The following ZSWIM7 variants were observed in gnomAD, a reference collection of about 807,000 sequenced individuals.
ZSWIM7 encodes zinc finger SWIM domain-containing protein 7.
In ZSWIM7, 22 loss-of-function variants were observed where a neutral mutation model predicts 21.1. That is an observed-to-expected ratio of 1.04 (90% CI 0.74 to 1.49). ZSWIM7 has a LOEUF of 1.49. Ranked by LOEUF, ZSWIM7 falls within the 40% of genes most tolerant of loss-of-function variation. ZSWIM7 has a pLI of 0.00. For missense variants in ZSWIM7, 193 were observed against 168.0 expected (o/e 1.15, Z -0.82); for synonymous variants, 67 against 66.5 (o/e 1.01, Z -0.04).
intron 1 of ZSWIM7, among the ~76,000 whole-genome samples, chr17:15,996,383 C>G (rs377408372): frequency 6.6e-6 from 1 of 152,084 alleles, no homozygotes; most frequent in East Asian, 1.9e-4. Flanking sequence ...TGGGGGCTCA[C>G]AACTATAATC....
At chr17:15,993,348 T>TTTTATTTATTTATTTATTTA (rs149424883) in intron 2 of ZSWIM7, among the ~76,000 whole-genome samples, 22 of 142,440 alleles carry the variant, frequency 1.5e-4, no homozygotes, top group African/African-American at 6.1e-4. Context: ...TTATTTTTTA[T>TTTTATTTATTTATTTATTTA]TTTATTTATT....
At chr17:15,992,193 T>G (rs965022660) in intron 2 of ZSWIM7, among the ~76,000 whole-genome samples, 2 of 151,940 alleles carry the variant, frequency 1.3e-5, no homozygotes, top group African/African-American at 4.8e-5. Context: ...TCCCAAAGCG[T>G]TGGGATTACA....
chr17:15,991,498 A>G (rs1970481773), intron 2 of ZSWIM7, among the ~76,000 whole-genome samples: 1 of 152,124 alleles, frequency 6.6e-6, no homozygotes, highest in Admixed American at 6.5e-5. Flanking sequence ...ATTTGTGTCA[A>G]CTTCTTTTCT....
intron 3 of ZSWIM7, among the ~76,000 whole-genome samples, chr17:15,982,739 TC>T (rs1970369729): frequency 6.6e-6 from 1 of 152,188 alleles, no homozygotes; most frequent in Admixed American, 6.5e-5. Context: ...CAGTCTTGAA[TC>T]CCTCGGCTAA....
Position 15,998,434 on chromosome 17 carries a change from T to C in ZSWIM7, c.76+1085A>G, listed in dbSNP as rs73978585. On this transcript the variant is annotated intron_variant, in intron 1 of 4. Transcript: ENST00000399277. The stretch of plus-strand genomic sequence containing the variant: ...CAAGATAAACCCTTTCAAAATGCAG[T>C]ACAGTACTTTTAAAACAAAAGCCAT... Among the ~76,000 whole-genome samples, 1,228 of 152,306 alleles carry C rather than the reference T, an allele frequency of 8.1e-3. 16 individuals carry two copies. The highest frequency in any genetic ancestry group is 0.028 in the African/African-American group (1,178 of 41,552).
intron 1 of ZSWIM7, among the ~76,000 whole-genome samples, chr17:15,995,927 C>G (rs6502482): frequency 0.53 from 80,600 of 151,556 alleles, 21,820 homozygotes; most frequent in Middle Eastern, 0.63. Context: ...ATAATTCAAA[C>G]TTCCAGAGAA....
In ZSWIM7 at chr17:15,999,515, G is replaced by A. The variant is rs1323324615; in HGVS notation, c.76+4C>T. The stretch of plus-strand genomic sequence containing the variant: ...CGCAGCCACACACGACCTCGGTCCC[G>A]TACTTCGCGCGCTCTCCTGCACCGC... On this transcript the variant is annotated splice_donor_region_variant and intron_variant, in intron 1 of 4. Coordinates refer to ENST00000399277, the MANE Select transcript of ZSWIM7 (RefSeq NM_001042697.2). 6.3e-7 allele frequency: 1 copy of A among 1,599,152 alleles called. No individual in the cohort carries two copies. Among genetic ancestry groups the A allele is most frequent in the Non-Finnish European group, 8.5e-7 (1 of 1,177,950 alleles).
chr17:15,981,181 G>A (rs757298651), intron 3 of ZSWIM7, 37 bp from the exon 4 acceptor site: 13 of 1,532,754 alleles, frequency 8.5e-6, no homozygotes, highest in South Asian at 2.3e-5. Context: ...GACCTCAGAT[G>A]TGCTGGAAAA....
chr17:15,980,760 T>C (rs1243891558), intron 4 of ZSWIM7, among the ~76,000 whole-genome samples: 3 of 152,208 alleles, frequency 2.0e-5, no homozygotes, highest in African/African-American at 7.2e-5. Flanking sequence ...GGCCATCTAA[T>C]TCCCCAGTGC....
chr17:15,999,700 G>T lies in ZSWIM7; in HGVS notation c.-106C>A. On this transcript the variant is annotated 5_prime_UTR_variant, in exon 1 of 5. Transcript: ENST00000399277. Reference sequence around the variant, plus strand: ...ACCCCCCGCCGGGGCAGGGCGAGACGGAGTGACGTCGGGGCGCGTCATCGC... The same window carrying T: ...ACCCCCCGCCGGGGCAGGGCGAGACTGAGTGACGTCGGGGCGCGTCATCGC... The T allele has an allele frequency of 6.4e-7, 1 of 1,553,968 alleles. No individual in the cohort carries two copies. The highest frequency in any genetic ancestry group is 2.4e-5 in the East Asian group (1 of 41,682).
At chr17:15,994,380 G>A (rs1970523608) in intron 1 of ZSWIM7, among the ~76,000 whole-genome samples, 1 of 152,160 alleles carries the variant, frequency 6.6e-6, no homozygotes, top group African/African-American at 2.4e-5. Flanking sequence ...TGAATCCTAG[G>A]CCAGCAATGG....
intron 1 of ZSWIM7, 91 bp from the exon 2 acceptor site, chr17:15,993,869 T>A: frequency 1.1e-6 from 1 of 950,434 alleles, no homozygotes; most frequent in Non-Finnish European, 1.6e-6. Context: ...CTAAAAACAC[T>A]TCCGTGTGTG....
chr17:15,993,620 C>G, intron 2 of ZSWIM7, 137 bp downstream of exon 2: 1 of 620,864 alleles, frequency 1.6e-6, no homozygotes, highest in Non-Finnish European at 2.8e-6. Context: ...CTCACCTTGG[C>G]CTCCCAAAGT....
At chr17:15,999,495 C>G (rs1567574249) in intron 1 of ZSWIM7, 24 bp downstream of exon 1, 2 of 1,595,334 alleles carry the variant, frequency 1.3e-6, no homozygotes, top group Non-Finnish European at 1.7e-6. Flanking sequence ...CATGGCGCAG[C>G]CACACACGAC....
rs1229618390 is a variant in ZSWIM7 at position 15,987,440 on chromosome 17, CACTAG to C, written c.99-77_99-73del. 32 of 1,235,064 alleles carry C rather than the reference CACTAG, an allele frequency of 2.6e-5. No individual in the cohort carries two copies. In the African/African-American group the frequency reaches 2.9e-4, roughly 11 times the overall value. The allele number at this position is 1,235,064 out of a possible 1,614,324, so 76.5% of individuals were successfully genotyped here. ...CACCTCAGTAACTTGCCCAAAGGAT[CACTAG>C]ACTTAGTATTTTTTAAAAATTCATT... On this transcript the variant is annotated intron_variant, in intron 2 of 4. Transcript: ENST00000399277.
intron 2 of ZSWIM7, among the ~76,000 whole-genome samples, chr17:15,993,079 T>C (rs1458632423): frequency 3.3e-5 from 5 of 152,070 alleles, no homozygotes; most frequent in African/African-American, 1.2e-4. Flanking sequence ...GGTTTCACCA[T>C]GTTGGTCAGG....
intron 1 of ZSWIM7, among the ~76,000 whole-genome samples, chr17:15,995,595 AAAGAC>A (rs573320924): frequency 0.027 from 4,114 of 150,204 alleles, 198 homozygotes; most frequent in African/African-American, 0.097. Flanking sequence ...AAAAAAAAAA[AAAGAC>A]AGCAGAAATT....
Position 15,978,940 on chromosome 17 carries a change from ACT to A in ZSWIM7, c.307-779_307-778del, listed in dbSNP as rs1013344072. Reference sequence around the variant, plus strand: ...ACATGCTCATCAGAGTCTCTAGGCTACTCTCTCTTTTTTTTTTTTTTAATTTT... The same window carrying A: ...ACATGCTCATCAGAGTCTCTAGGCTACTCTCTTTTTTTTTTTTTTAATTTT... On this transcript the variant is annotated intron_variant, in intron 4 of 4. Transcript: ENST00000399277. Among the ~76,000 whole-genome samples, 26 of 137,358 alleles carry A rather than the reference ACT, an allele frequency of 1.9e-4. No individual in the cohort carries two copies. The East Asian group carries it at 3.0e-3, about 16-fold the overall frequency. The allele number at this position is 137,358 out of a possible 152,430, so 90.1% of individuals were successfully genotyped here.
At chr17:15,991,951 A>C (rs1970491806) in intron 2 of ZSWIM7, among the ~76,000 whole-genome samples, 1 of 144,428 alleles carries the variant, frequency 6.9e-6, no homozygotes, top group Non-Finnish European at 1.5e-5. Flanking sequence ...TTTGAGACAG[A>C]GTCTTGCCTC....
Sources: allele counts gnomAD v4.1 joint callset (sites outside exome capture counted in the v4.1 genomes callset), GRCh38; gene constraint gnomAD v4.1.1; transcripts MANE v1.5; gene names NCBI Gene and HGNC (gene_info 2026-07-23, HGNC 2026-07-21).